JMY: variants seen among roughly 807,000 people sequenced by gnomAD.
The protein encoded by JMY is junction-mediating and -regulatory protein.
Under a neutral mutation model 103.3 loss-of-function variants are expected in JMY, and 46 were observed. The ratio of observed to expected loss-of-function variants is 0.45; its 90% CI spans 0.35 to 0.57. JMY has a LOEUF of 0.57. JMY is among the 20% of genes least tolerant of loss of function. The pLI, the probability that JMY is intolerant of heterozygous loss-of-function variation, is 0.00. For missense variants in JMY, 1,238 were observed against 1,255.2 expected, an observed-to-expected ratio of 0.99 and a Z score of 0.21; for synonymous variants, 526 against 489.3, an observed-to-expected ratio of 1.07 and a Z score of -0.99.
At chr5:79,276,686 A>G (rs1279971634) in intron 1 of JMY, among the ~76,000 whole-genome samples, 1 of 151,740 alleles carries the variant, frequency 6.6e-6, no homozygotes, top group Non-Finnish European at 1.5e-5. Context: ...GGCTCACTGC[A>G]ACCTCTGCCT....
At chr5:79,282,561 A>G (rs1746150085) in intron 2 of JMY, among the ~76,000 whole-genome samples, 1 of 152,202 alleles carries the variant, frequency 6.6e-6, no homozygotes, top group Admixed American at 6.5e-5. Flanking sequence ...GGGACTATCT[A>G]GTGCTTCACT....
intron 5 of JMY, 145 bp downstream of exon 5, chr5:79,300,463 T>G (rs1746700328): frequency 1.2e-6 from 1 of 817,600 alleles, no homozygotes; most frequent in East Asian, 2.9e-5. Context: ...TTCTAGCATT[T>G]ATTGAGCACT....
chr5:79,316,751 TA>T (rs1244775254), intron 10 of JMY, among the ~76,000 whole-genome samples: 5 of 151,496 alleles, frequency 3.3e-5, no homozygotes, highest in Non-Finnish European at 7.4e-5. Flanking sequence ...ACTAAAAATA[TA>T]AAAATTAGCC....
chr5:79,293,811 T>C lies in JMY; in HGVS notation c.1527+2512T>C, dbSNP rs539889623. 5.9e-5 allele frequency among the ~76,000 whole-genome samples: 9 copies of C among 152,324 alleles called. No homozygotes were observed. The East Asian group carries it at 1.3e-3, about 23-fold the overall frequency. On this transcript the variant is annotated intron_variant, in intron 4 of 10. Transcript: ENST00000396137. ...TGAAAGAATCCTTTGTGAGTTTAAC[T>C]AGTTGTAGCTACTTTATTCTACTCT... is the stretch of plus-strand genomic sequence containing the variant.
chr5:79,292,874 G>A (rs1362188006), intron 4 of JMY, among the ~76,000 whole-genome samples: 2 of 152,162 alleles, frequency 1.3e-5, no homozygotes, highest in Non-Finnish European at 2.9e-5. Flanking sequence ...ATTCTTCACA[G>A]TATTTGTTAA....
chr5:79,314,471 A>C lies in JMY; in HGVS notation c.2279A>C (p.Asp760Ala). ...TEPQSLVQLE[D>A]TSLTQLEATS... is the part of the protein sequence containing the mutation. ...CCCCAGAGCCTTGTGCAACTTGAAG[A>C]TACTTCATTAACACAACTTGAAGCC... Residue 760 changes from aspartate (D) to alanine (A), a missense_variant, in exon 9 of 11, where the codon GAT becomes GCT. By Grantham distance (126) the Asp-to-Ala change is moderately radical. Coordinates refer to ENST00000396137, the MANE Select transcript of JMY (RefSeq NM_152405.5). 6.2e-7 allele frequency: 1 copy of C among 1,614,186 alleles called. No individual in the cohort carries two copies. The highest frequency in any genetic ancestry group is 8.5e-7 in the Non-Finnish European group (1 of 1,180,038).
In JMY at chr5:79,314,248, G is replaced by T; in HGVS notation, c.2065-9G>T. 1 of 1,590,988 alleles carries T rather than the reference G, an allele frequency of 6.3e-7. No homozygotes were observed. Among genetic ancestry groups the T allele is most frequent in the African/African-American group, 1.4e-5 (1 of 73,842 alleles). On this transcript the variant is annotated splice_polypyrimidine_tract_variant and intron_variant, in intron 8 of 10. Transcript: ENST00000396137. Reference sequence around the variant, plus strand: ...ATTTAACCAGTTCCAATAACTTCTGGTATTTTAGAGGTATCCTGGGCAAGT... The same window carrying T: ...ATTTAACCAGTTCCAATAACTTCTGTTATTTTAGAGGTATCCTGGGCAAGT...
At chr5:79,272,743 C>T (rs142774522) in intron 1 of JMY, among the ~76,000 whole-genome samples, 2 of 152,284 alleles carry the variant, frequency 1.3e-5, no homozygotes, top group East Asian at 1.9e-4. Context: ...AAGTGATTCT[C>T]GTGCCTCAGC....
At chr5:79,309,538 G>A (rs527875835) in intron 7 of JMY, among the ~76,000 whole-genome samples, 1 of 152,058 alleles carries the variant, frequency 6.6e-6, no homozygotes, top group South Asian at 2.1e-4. Flanking sequence ...TATCAGAAAT[G>A]CCAACATGAC....
chr5:79,270,528 T>C (rs958210171), intron 1 of JMY, among the ~76,000 whole-genome samples: 7 of 89,620 alleles, frequency 7.8e-5, no homozygotes, highest in African/African-American at 1.4e-4. Flanking sequence ...AAAATATATA[T>C]TTACATAAAT....
intron 2 of JMY, chr5:79,284,766 C>T: frequency 6.3e-7 from 1 of 1,578,488 alleles, no homozygotes; most frequent in Non-Finnish European, 8.6e-7. Flanking sequence ...TTCCTTGGGT[C>T]CTGGTGATGA....
intron 4 of JMY, among the ~76,000 whole-genome samples, chr5:79,293,870 T>TA (rs1324793937): frequency 6.8e-6 from 1 of 148,126 alleles, no homozygotes. Flanking sequence ...GATTTGGAAA[T>TA]AATAGCATAA....
At position 79,253,079 on chromosome 5, in the gene JMY, T is replaced by A. The variant is rs376468181; in HGVS notation, c.1032+15397T>A. Among the ~76,000 whole-genome samples the A allele has an allele frequency of 1.5e-4, 23 of 152,280 alleles. No individual in the cohort carries two copies. The South Asian group carries it at 4.6e-3, about 30-fold the overall frequency. On this transcript the variant is annotated intron_variant, in intron 1 of 10. Coordinates refer to ENST00000396137, the MANE Select transcript of JMY (RefSeq NM_152405.5). Reference sequence around the variant, plus strand: ...TTCTTTTTGCGAATCCATTGTATGTTTTTTATGTTTTTTGGTTTGAGGTTA... The same window carrying A: ...TTCTTTTTGCGAATCCATTGTATGTATTTTATGTTTTTTGGTTTGAGGTTA...
intron 9 of JMY, 74 bp from the exon 10 acceptor site, chr5:79,315,926 G>C (rs1195214036): frequency 7.7e-7 from 1 of 1,303,228 alleles, no homozygotes; most frequent in African/African-American, 1.5e-5. Flanking sequence ...AGTTGCGAAC[G>C]GTAGAGGTTA....
At chr5:79,320,616 A>G (rs895431494) in intron 10 of JMY, among the ~76,000 whole-genome samples, 5 of 152,176 alleles carry the variant, frequency 3.3e-5, no homozygotes, top group Admixed American at 6.5e-5. Flanking sequence ...AGGCCCCTGT[A>G]GGAGTCTTCT....
chr5:79,293,420 ATTAAT>A (rs1746479645), intron 4 of JMY, among the ~76,000 whole-genome samples: 9 of 144,472 alleles, frequency 6.2e-5, no homozygotes, highest in Admixed American at 6.2e-4. Flanking sequence ...TTTTTTTTAA[ATTAAT>A]TTAGTTAGTT....
Position 79,245,201 on chromosome 5 carries a change from G to C in JMY, c.1032+7519G>C, listed in dbSNP as rs1322963468. Among the ~76,000 whole-genome samples the C allele has an allele frequency of 2.6e-5, 4 of 152,176 alleles. No individual in the cohort carries two copies. The South Asian group carries it at 6.2e-4, about 24-fold the overall frequency. ...TGTATGAAGTTACTTTAATGATTCGGAATTTTATTTGTAACTTTCAGGTTT... is the reference window on the plus strand; with the variant it reads ...TGTATGAAGTTACTTTAATGATTCGCAATTTTATTTGTAACTTTCAGGTTT... On this transcript the variant is annotated intron_variant, in intron 1 of 10. Coordinates refer to ENST00000396137, the MANE Select transcript of JMY (RefSeq NM_152405.5).
chr5:79,291,953 T>C (rs1746434693), intron 4 of JMY, among the ~76,000 whole-genome samples: 2 of 152,218 alleles, frequency 1.3e-5, no homozygotes, highest in South Asian at 2.1e-4. Flanking sequence ...ATGTAAAATA[T>C]GTATTTTTTT....
intron 1 of JMY, among the ~76,000 whole-genome samples, chr5:79,243,060 T>G (rs116376156): frequency 6.8e-4 from 104 of 152,276 alleles, no homozygotes; most frequent in African/African-American, 2.4e-3. Flanking sequence ...AAGGATAGGT[T>G]TATGTTAGAG....
Sources: gnomAD v4.1 joint callset for allele counts (sites outside exome capture counted in the v4.1 genomes callset) on GRCh38, gnomAD v4.1.1 for gene constraint, MANE v1.5 for transcripts, NCBI Gene and HGNC (gene_info 2026-07-23, HGNC 2026-07-21) for gene names.